The following KLF12 variants were observed in gnomAD, a reference collection of about 807,000 sequenced individuals.
KLF12 encodes the protein KLF transcription factor 12.
A neutral mutation model predicts 37.8 loss-of-function variants in KLF12; 9 were observed. The ratio of observed to expected loss-of-function variants is 0.24; its 90% CI spans 0.14 to 0.42. The LOEUF (loss-of-function observed/expected upper bound fraction) is 0.42, where lower values mean the gene tolerates loss of function less well. KLF12 is among the 10% of genes least tolerant of loss of function. KLF12 has a pLI of 1.00. For synonymous variants in KLF12, 208 were observed against 202.1 expected (o/e 1.03, Z -0.25); for missense variants, 411 against 516.0 (o/e 0.80, Z 1.97).
At chr13:73,891,066 A>G (rs1421911409) in intron 3 of KLF12, among the ~76,000 whole-genome samples, 1 of 152,116 alleles carries the variant, frequency 6.6e-6, no homozygotes, top group Non-Finnish European at 1.5e-5. Context: ...AAAAAATACA[A>G]CTTCTTTTCA....
intron 3 of KLF12, among the ~76,000 whole-genome samples, chr13:73,919,315 A>G (rs1350077132): frequency 6.6e-6 from 1 of 152,298 alleles, no homozygotes; most frequent in Admixed American, 6.5e-5. Flanking sequence ...TGCTAACCCC[A>G]TGACAGAGGA....
chr13:74,213,200 C>CT, the KLF12 span, among the ~76,000 whole-genome samples: 5 of 150,850 alleles, frequency 3.3e-5, no homozygotes, highest in Admixed American at 2.6e-4. Flanking sequence ...ACTAAAACAT[C>CT]TTTTTTTTTC....
intron 5 of KLF12, among the ~76,000 whole-genome samples, chr13:73,805,650 G>GAGGAAGGAAGGA (rs1164051826): frequency 6.7e-4 from 25 of 37,066 alleles, no homozygotes; most frequent in Middle Eastern, 0.016. Flanking sequence ...GGGAGGGAGG[G>GAGGAAGGAAGGA]AGGAAGGAAG....
the KLF12 span, among the ~76,000 whole-genome samples, chr13:74,303,209 T>C: frequency 5.6e-4 from 85 of 152,272 alleles, no homozygotes; most frequent in African/African-American, 1.9e-3. Context: ...TCTTTGAGTA[T>C]AGAAATGGTG....
At chr13:73,823,269 T>C (rs1368579529) in intron 4 of KLF12, among the ~76,000 whole-genome samples, 2 of 150,598 alleles carry the variant, frequency 1.3e-5, no homozygotes, top group East Asian at 1.9e-4. Context: ...ATGTAAGAAA[T>C]ACTTAAAAAA....
intron 3 of KLF12, among the ~76,000 whole-genome samples, chr13:73,902,845 C>T (rs1888098777): frequency 6.6e-6 from 1 of 152,166 alleles, no homozygotes; most frequent in Non-Finnish European, 1.5e-5. Flanking sequence ...ATGATTGTAA[C>T]TAGGATTGCT....
At chr13:74,300,663 G>A in the KLF12 span, among the ~76,000 whole-genome samples, 1 of 152,070 alleles carries the variant, frequency 6.6e-6, no homozygotes, top group African/African-American at 2.4e-5. Flanking sequence ...ATCGCGTATA[G>A]CTTTTTATAT....
chr13:74,229,378 T>C, the KLF12 span, among the ~76,000 whole-genome samples: 1 of 152,200 alleles, frequency 6.6e-6, no homozygotes, highest in East Asian at 1.9e-4. Context: ...TATTTATTAT[T>C]CGTGGTTTTG....
At chr13:73,746,003 A>G (rs1878335428) in intron 6 of KLF12, among the ~76,000 whole-genome samples, 1 of 152,078 alleles carries the variant, frequency 6.6e-6, no homozygotes, top group East Asian at 1.9e-4. Context: ...GAGAGAAATC[A>G]GCATTCTAAT....
chr13:74,174,069 C>T, the KLF12 span, among the ~76,000 whole-genome samples: 12 of 152,166 alleles, frequency 7.9e-5, no homozygotes, highest in African/African-American at 2.9e-4. Context: ...CCAGGGACTT[C>T]TACATGATGC....
At chr13:74,091,999 A>AC (rs1247740208) in intron 1 of KLF12, among the ~76,000 whole-genome samples, 1 of 151,648 alleles carries the variant, frequency 6.6e-6, no homozygotes, top group African/African-American at 2.4e-5. Context: ...AACCTTTAAA[A>AC]AAAAAAAAAC....
intron 7 of KLF12, among the ~76,000 whole-genome samples, chr13:73,697,995 A>AT (rs1007039907): frequency 4.7e-5 from 7 of 150,352 alleles, no homozygotes; most frequent in Non-Finnish European, 7.4e-5. Context: ...TCTCCAGAAA[A>AT]TTTTTTTTTT....
At chr13:74,043,495 ACT>A (rs1291188259) in intron 1 of KLF12, among the ~76,000 whole-genome samples, 1 of 152,134 alleles carries the variant, frequency 6.6e-6, no homozygotes, top group African/African-American at 2.4e-5. Flanking sequence ...GTGTGTGTAC[ACT>A]CTGCTTTTGT....
At chr13:74,098,683 T>C (rs900849647) in intron 1 of KLF12, among the ~76,000 whole-genome samples, 2 of 152,212 alleles carry the variant, frequency 1.3e-5, no homozygotes, top group Non-Finnish European at 2.9e-5. Flanking sequence ...TTCCCAAATA[T>C]TTAGCCAATA....
chr13:74,135,449 G>C (rs1399225514), upstream of KLF12, among the ~76,000 whole-genome samples: 1 of 151,800 alleles, frequency 6.6e-6, no homozygotes, highest in African/African-American at 2.4e-5. Context: ...TCCGCGCCCC[G>C]GGGAGCGGAT....
At chr13:73,963,965 G>A (rs375425500) in intron 2 of KLF12, among the ~76,000 whole-genome samples, 34 of 152,288 alleles carry the variant, frequency 2.2e-4, no homozygotes, top group Middle Eastern at 3.4e-3. Flanking sequence ...AGCACTATGG[G>A]ATTATGAGGT....
At chr13:74,275,902 T>A in the KLF12 span, among the ~76,000 whole-genome samples, 1 of 144,972 alleles carries the variant, frequency 6.9e-6, no homozygotes, top group Non-Finnish European at 1.5e-5. Flanking sequence ...TCTTTCTTTC[T>A]TTCTTTCTTT....
intron 3 of KLF12, among the ~76,000 whole-genome samples, chr13:73,904,469 CT>C (rs11342071): frequency 0.26 from 23,513 of 91,468 alleles, 2,476 homozygotes; most frequent in East Asian, 0.6. Context: ...TCTTTCTTTC[CT>C]TTTTTTTTTT....
chr13:73,963,311 A>T (rs1469689475), intron 2 of KLF12, among the ~76,000 whole-genome samples: 1 of 149,130 alleles, frequency 6.7e-6, no homozygotes, highest in Non-Finnish European at 1.5e-5. Flanking sequence ...ACACACACAC[A>T]CACACACACG....
Sources: gnomAD v4.1 joint callset for allele counts (sites outside exome capture counted in the v4.1 genomes callset) on GRCh38, gnomAD v4.1.1 for gene constraint, MANE v1.5 for transcripts, NCBI Gene and HGNC (gene_info 2026-07-23, HGNC 2026-07-21) for gene names.